PTGER3: variants seen among roughly 807,000 people sequenced by gnomAD.
PTGER3 encodes the protein prostaglandin E receptor 3.
A neutral mutation model predicts 34.7 loss-of-function variants in PTGER3; 22 were observed. The ratio of observed to expected loss-of-function variants is 0.63; its 90% confidence interval spans 0.45 to 0.91. PTGER3 has a LOEUF of 0.91. Among genes scored for constraint, PTGER3 ranks in the 40% least tolerant of loss-of-function variants. The probability of loss-of-function intolerance (pLI) is 0.00; values close to 1 mark genes in which losing one functional copy is unlikely to be tolerated. For missense variants in PTGER3, 468 were observed against 519.4 expected (o/e 0.90, Z 0.96); for synonymous variants, 241 against 230.1 (o/e 1.05, Z -0.43).
chr1:71,007,326 A>G (rs1657059582), intron 2 of PTGER3: 1 of 985,814 alleles, frequency 1.0e-6, no homozygotes, highest in Non-Finnish European at 1.2e-6. Context: ...TTGTACAAAA[A>G]CATTTGATAA....
chr1:71,001,162 A>C (rs1037088936), intron 2 of PTGER3, among the ~76,000 whole-genome samples: 4 of 151,980 alleles, frequency 2.6e-5, no homozygotes, highest in East Asian at 1.9e-4. Context: ...TTTTAAAGAG[A>C]TGCACATAGT....
At chr1:71,045,244 T>C (rs1342214993) in intron 1 of PTGER3, among the ~76,000 whole-genome samples, 1 of 152,196 alleles carries the variant, frequency 6.6e-6, no homozygotes, top group Non-Finnish European at 1.5e-5. Flanking sequence ...TATTTTCAAA[T>C]GCAAGGGATT....
Position 70,971,782 on chromosome 1 carries a change from T to G in PTGER3, c.1170-49A>C, listed in dbSNP as rs200673526. 162 of 1,345,052 alleles carry G rather than the reference T, an allele frequency of 1.2e-4. No individual in the cohort carries two copies. The East Asian group carries it at 2.6e-3, about 22-fold the overall frequency. The allele number at this position is 1,345,052 out of a possible 1,614,324, so 83.3% of individuals were successfully genotyped here. A position where few individuals can be genotyped will look rare whatever the true frequency, so the allele number is the denominator to read the frequency against. On this transcript the variant is annotated intron_variant, in intron 3 of 3. Coordinates refer to ENST00000306666, the MANE Select transcript of PTGER3 (RefSeq NM_198719.2). ...TGCAATAAGCATGGATGGGGATTAT[T>G]TTTTTTAAATTTTGTGTATGGTGTG... is the stretch of plus-strand genomic sequence containing the variant.
intron 2 of PTGER3, chr1:71,010,617 A>T (rs1192876532): frequency 1.0e-6 from 1 of 984,820 alleles, no homozygotes; most frequent in Non-Finnish European, 1.2e-6. Context: ...TTTGAAAAAA[A>T]GTAGGTAGTT....
At chr1:70,990,353 TCACACACACACACACACACA>T (rs576448927) in intron 2 of PTGER3, among the ~76,000 whole-genome samples, 2 of 130,814 alleles carry the variant, frequency 1.5e-5, no homozygotes, top group Non-Finnish European at 3.2e-5. Flanking sequence ...CGAGACTGTC[TCACACACACACACACACACA>T]CACACACACA....
chr1:71,001,211 A>G (rs1572899816), intron 2 of PTGER3, among the ~76,000 whole-genome samples: 1 of 152,196 alleles, frequency 6.6e-6, no homozygotes, highest in South Asian at 2.1e-4. Context: ...AAGAAAAGAA[A>G]TACACATTTG....
intron 4 of PTGER3, among the ~76,000 whole-genome samples, chr1:70,906,144 C>T (rs1220272212): frequency 1.3e-5 from 2 of 152,284 alleles, no homozygotes; most frequent in South Asian, 2.1e-4. Context: ...GAGGCCTCCG[C>T]AGCCATGTGG....
At chr1:70,862,412 G>A (rs1382181198) in intron 4 of PTGER3, 7 of 1,342,730 alleles carry the variant, frequency 5.2e-6, no homozygotes, top group African/African-American at 3.0e-5. Context: ...TATGTGATAG[G>A]CAATAGAAAT....
intron 4 of PTGER3, among the ~76,000 whole-genome samples, chr1:70,868,498 A>G (rs1409009738): frequency 1.3e-5 from 2 of 152,182 alleles, no homozygotes; most frequent in African/African-American, 4.8e-5. Flanking sequence ...GTAATGTACA[A>G]ATAGAACATA....
chr1:70,978,106 G>T (rs1290035165), intron 2 of PTGER3, among the ~76,000 whole-genome samples: 1 of 152,124 alleles, frequency 6.6e-6, no homozygotes, highest in Non-Finnish European at 1.5e-5. Context: ...GGCAGAGTTT[G>T]AATTCAAATG....
chr1:71,019,818 G>A (rs1234435165), intron 1 of PTGER3, among the ~76,000 whole-genome samples: 1 of 152,130 alleles, frequency 6.6e-6, no homozygotes, highest in Non-Finnish European at 1.5e-5. Flanking sequence ...TTAATTTATG[G>A]GGGAGGAAAT....
At position 70,917,192 on chromosome 1, in the gene PTGER3, C is replaced by T. The variant is rs543321628; in HGVS notation, c.*23+36571G>A. On this transcript the variant is annotated intron_variant, in intron 4 of 4. Coordinates refer to the PTGER3 transcript ENST00000370931. Reference sequence around the variant, plus strand: ...TCTTTCCTGGTCCCCCTGCAACCCCCGCTTTCCCCCTCTCTCCTCAGTCTC... The same window carrying T: ...TCTTTCCTGGTCCCCCTGCAACCCCTGCTTTCCCCCTCTCTCCTCAGTCTC... Among the ~76,000 whole-genome samples, 230 of 151,846 alleles carry T rather than the reference C, an allele frequency of 1.5e-3. 1 individual carries two copies. The highest frequency in any genetic ancestry group is 2.6e-3 in the Non-Finnish European group (178 of 67,858).
At chr1:70,938,852 T>C (rs1352582653) in intron 4 of PTGER3, among the ~76,000 whole-genome samples, 1 of 152,094 alleles carries the variant, frequency 6.6e-6, no homozygotes, top group African/African-American at 2.4e-5. Context: ...TAGATTTGGG[T>C]AGGGACATGG....
chr1:70,962,921 C>G (rs950271849), intron 2 of PTGER3, among the ~76,000 whole-genome samples: 7 of 152,234 alleles, frequency 4.6e-5, no homozygotes, highest in South Asian at 2.1e-4. Context: ...AAAGTCTCAT[C>G]TGAGACAAGG....
chr1:71,020,014 A>G (rs1658258093), intron 1 of PTGER3, among the ~76,000 whole-genome samples: 1 of 152,178 alleles, frequency 6.6e-6, no homozygotes, highest in Non-Finnish European at 1.5e-5. Context: ...CCCCCCTATA[A>G]TTTGATAAGT....
At chr1:70,981,388 TTTCTTTCCTTCCTTCCTTCC>T (rs1175821189) in intron 2 of PTGER3, among the ~76,000 whole-genome samples, 237 of 40,048 alleles carry the variant, frequency 5.9e-3, no homozygotes, top group African/African-American at 0.026. Flanking sequence ...TCTTTCTTTC[TTTCTTTCCTTCCTTCCTTCC>T]TTCCTTCCTT....
At chr1:70,892,837 CAAA>C (rs1176220550) in intron 4 of PTGER3, among the ~76,000 whole-genome samples, 1 of 47,912 alleles carries the variant, frequency 2.1e-5, no homozygotes, top group Non-Finnish European at 5.4e-5. Context: ...CAAGACTCCT[CAAA>C]AAAAAAAAAA....
chr1:70,991,018 T>C (rs1461638147), intron 2 of PTGER3, among the ~76,000 whole-genome samples: 1 of 152,186 alleles, frequency 6.6e-6, no homozygotes, highest in African/African-American at 2.4e-5. Flanking sequence ...TTCATAGGCT[T>C]CCTTCCAATG....
intron 4 of PTGER3, among the ~76,000 whole-genome samples, chr1:70,938,454 A>T (rs1256320746): frequency 1.3e-5 from 2 of 152,242 alleles, no homozygotes; most frequent in South Asian, 2.1e-4. Context: ...TCTTAAAAAA[A>T]AACATTTTCC....
Sources: gnomAD v4.1 joint callset for allele counts (sites outside exome capture counted in the v4.1 genomes callset) on GRCh38, gnomAD v4.1.1 for gene constraint, MANE v1.5 for transcripts, NCBI Gene and HGNC (gene_info 2026-07-23, HGNC 2026-07-21) for gene names.